HCRTR2: variants seen among roughly 807,000 people sequenced by gnomAD.
HCRTR2 encodes hypocretin receptor 2.
A neutral mutation model predicts 49.0 loss-of-function variants in HCRTR2; 22 were observed. That is an observed-to-expected ratio of 0.45 (90% CI 0.32 to 0.64). The LOEUF (loss-of-function observed/expected upper bound fraction) is 0.64. Among genes scored for constraint, HCRTR2 ranks in the 30% least tolerant of loss-of-function variants. HCRTR2 has a pLI of 0.04. For missense variants in HCRTR2, 491 were observed against 559.4 expected (o/e 0.88, Z 1.23); for synonymous variants, 236 against 205.3 (o/e 1.15, Z -1.28).
At chr6:55,124,368 A>T (rs1304187337) in intron 1 of HCRTR2, among the ~76,000 whole-genome samples, 1 of 152,092 alleles carries the variant, frequency 6.6e-6, no homozygotes, top group Non-Finnish European at 1.5e-5. Flanking sequence ...TCACTTTGTT[A>T]TTTACCCAGT....
chr6:55,168,590 GTGTCTCATTC>G (rs1480293115), intron 1 of HCRTR2, among the ~76,000 whole-genome samples: 1 of 152,002 alleles, frequency 6.6e-6, no homozygotes, highest in Non-Finnish European at 1.5e-5. Flanking sequence ...TTTTGAGACA[GTGTCTCATTC>G]TGTTGCCCAG....
intron 1 of HCRTR2, among the ~76,000 whole-genome samples, chr6:55,191,980 G>C (rs961424085): frequency 6.6e-6 from 1 of 152,058 alleles, no homozygotes; most frequent in Non-Finnish European, 1.5e-5. Context: ...AAATATATTT[G>C]CTATAGTAGG....
upstream of HCRTR2, among the ~76,000 whole-genome samples, chr6:55,170,588 T>A (rs1764934377): frequency 7.3e-6 from 1 of 136,276 alleles, no homozygotes; most frequent in South Asian, 2.2e-4. Flanking sequence ...TATTTATTTA[T>A]TTATTTTTAT....
intron 3 of HCRTR2, among the ~76,000 whole-genome samples, chr6:55,256,921 A>C (rs1766663781): frequency 6.6e-6 from 1 of 152,166 alleles, no homozygotes; most frequent in South Asian, 2.1e-4. Flanking sequence ...TAATATATTT[A>C]TATACAAAAT....
intron 4 of HCRTR2, among the ~76,000 whole-genome samples, chr6:55,271,580 A>G (rs1035568543): frequency 2.4e-4 from 37 of 152,256 alleles, no homozygotes; most frequent in South Asian, 2.1e-4. Flanking sequence ...TGCACCATTA[A>G]AAACGTTAAA....
chr6:55,277,504 T>A lies in HCRTR2; in HGVS notation c.887T>A (p.Ile296Asn). 1 of 1,614,014 alleles carries A rather than the reference T, an allele frequency of 6.2e-7. No homozygotes were observed. The highest frequency in any genetic ancestry group is 8.5e-7 in the Non-Finnish European group (1 of 1,179,986). ...GCTGTGGCGGCTGAAATAAAGCAGA[T>A]CCGAGCCAGAAGGAAAACAGCCCGG... is the stretch of plus-strand genomic sequence containing the variant. ...MSAVAAEIKQ[I>N]RARRKTARML... is the part of the protein sequence containing the mutation. The change falls in exon 5 of 7, where the codon ATC becomes AAC. Residue 296 changes from isoleucine to asparagine, a missense_variant. Transcript: ENST00000370862.
intron 1 of HCRTR2, among the ~76,000 whole-genome samples, chr6:55,219,375 T>C (rs1765848071): frequency 6.6e-6 from 1 of 152,178 alleles, no homozygotes; most frequent in Admixed American, 6.5e-5. Flanking sequence ...AATGAAACTA[T>C]AAATCAATTA....
chr6:55,241,937 C>T (rs1015889224), intron 1 of HCRTR2, among the ~76,000 whole-genome samples: 2 of 143,240 alleles, frequency 1.4e-5, no homozygotes, highest in Non-Finnish European at 3.0e-5. Context: ...GGTGAAATCT[C>T]GGCTCACTGC....
At chr6:55,206,593 A>C (rs1325679327) in intron 1 of HCRTR2, among the ~76,000 whole-genome samples, 1 of 152,018 alleles carries the variant, frequency 6.6e-6, no homozygotes. Flanking sequence ...TCTACCTATA[A>C]GGATTTGCAA....
At chr6:55,274,788 T>C (rs1767046673) in intron 4 of HCRTR2, among the ~76,000 whole-genome samples, 1 of 152,152 alleles carries the variant, frequency 6.6e-6, no homozygotes, top group Admixed American at 6.5e-5. Context: ...ATGAAGGATA[T>C]TTAGTTGTTA....
At chr6:55,128,584 A>G (rs1337280527) in intron 1 of HCRTR2, among the ~76,000 whole-genome samples, 1 of 152,104 alleles carries the variant, frequency 6.6e-6, no homozygotes, top group Non-Finnish European at 1.5e-5. Context: ...TGTTTAGGTC[A>G]TTTCTGATTT....
At chr6:55,155,524 G>T (rs1232606048) in intron 1 of HCRTR2, among the ~76,000 whole-genome samples, 1 of 151,908 alleles carries the variant, frequency 6.6e-6, no homozygotes, top group African/African-American at 2.4e-5. Context: ...TTTTGCTGTT[G>T]TCTTTCAGGC....
upstream of HCRTR2, among the ~76,000 whole-genome samples, chr6:55,172,305 ATCATCACC>A (rs1764962360): frequency 6.6e-6 from 1 of 152,088 alleles, no homozygotes; most frequent in African/African-American, 2.4e-5. Context: ...TTTTCTACTC[ATCATCACC>A]TCATCCTGTT....
At position 55,178,533 on chromosome 6, in the gene HCRTR2, A is replaced by C. The variant is rs149485718; in HGVS notation, c.223+3723A>C. Among the ~76,000 whole-genome samples the C allele has an allele frequency of 4.8e-3, 736 of 152,342 alleles. 7 individuals are homozygous for C. The highest frequency in any genetic ancestry group is 0.017 in the African/African-American group (688 of 41,586). Reference sequence around the variant, plus strand: ...GGCATATACATATTTTTCTTGACACATAGACACTAATTAATGTCAATTTTT... The same window carrying C: ...GGCATATACATATTTTTCTTGACACCTAGACACTAATTAATGTCAATTTTT... On this transcript the variant is annotated intron_variant, in intron 1 of 6. Coordinates refer to ENST00000370862, the MANE Select transcript of HCRTR2 (RefSeq NM_001384272.1).
In HCRTR2 at chr6:55,174,811, G is replaced by C; in HGVS notation, c.223+1G>C. ...GTGGCTCTCATTGGGAACGTCCTGGGTGAGTCTCCTCCCGGGCAGCCCTCC... is the reference window on the plus strand; with the variant it reads ...GTGGCTCTCATTGGGAACGTCCTGGCTGAGTCTCCTCCCGGGCAGCCCTCC... On this transcript the variant is annotated splice_donor_variant, in intron 1 of 6. Transcript: ENST00000370862. LOFTEE classifies it high-confidence loss of function. 1.2e-6 allele frequency: 2 copies of C among 1,613,628 alleles called. No individual in the cohort carries two copies. The highest frequency in any genetic ancestry group is 1.7e-6 in the Non-Finnish European group (2 of 1,179,660).
At chr6:55,265,691 T>C (rs551447390) in intron 4 of HCRTR2, among the ~76,000 whole-genome samples, 1 of 152,146 alleles carries the variant, frequency 6.6e-6, no homozygotes. Flanking sequence ...AAGCTGGGGA[T>C]GAATGATCTG....
At chr6:55,156,022 C>T (rs1764725749) in intron 1 of HCRTR2, among the ~76,000 whole-genome samples, 1 of 151,902 alleles carries the variant, frequency 6.6e-6, no homozygotes, top group Non-Finnish European at 1.5e-5. Flanking sequence ...GGAAAAACCC[C>T]AGCACCTTTA....
chr6:55,205,768 C>T (rs928940111), intron 1 of HCRTR2, among the ~76,000 whole-genome samples: 19 of 151,894 alleles, frequency 1.3e-4, no homozygotes, highest in Non-Finnish European at 1.8e-4. Flanking sequence ...ATTTTTTAGA[C>T]GGGATTGGAG....
chr6:55,187,411 CA>C (rs57619664), intron 1 of HCRTR2, among the ~76,000 whole-genome samples: 3 of 98,392 alleles, frequency 3.0e-5, no homozygotes, highest in Non-Finnish European at 4.0e-5. Flanking sequence ...GACTCCGTCT[CA>C]AAAAAAAAAA....
Sources: gnomAD v4.1 joint callset for allele counts (sites outside exome capture counted in the v4.1 genomes callset) on GRCh38, gnomAD v4.1.1 for gene constraint, MANE v1.5 for transcripts, NCBI Gene and HGNC (gene_info 2026-07-23, HGNC 2026-07-21) for gene names.